The following SLC41A2 variants were observed in gnomAD, a reference collection of about 807,000 sequenced individuals.
SLC41A2 encodes SLC41A1-like 1.
In SLC41A2, 32 loss-of-function variants were observed where a neutral mutation model predicts 58.3. That is an observed-to-expected ratio of 0.55 (90% CI 0.41 to 0.74). The LOEUF is 0.74. Ranked by LOEUF, SLC41A2 falls within the 30% of genes least tolerant of loss-of-function variation. The probability of loss-of-function intolerance (pLI) is 0.00; values close to 1 mark genes in which losing one functional copy is unlikely to be tolerated. For missense variants in SLC41A2, 514 were observed against 680.6 expected (o/e 0.76, Z 2.72); for synonymous variants, 190 against 235.0 (o/e 0.81, Z 1.75).
At chr12:104,890,691 G>T (rs2044915339) in intron 4 of SLC41A2, among the ~76,000 whole-genome samples, 1 of 152,186 alleles carries the variant, frequency 6.6e-6, no homozygotes, top group Admixed American at 6.5e-5. Context: ...GTTAACAGGG[G>T]CCATAGGCCT....
intron 10 of SLC41A2, among the ~76,000 whole-genome samples, chr12:104,831,644 T>C (rs1250509866): frequency 6.6e-6 from 1 of 152,192 alleles, no homozygotes; most frequent in Non-Finnish European, 1.5e-5. Flanking sequence ...TCAAATTGTT[T>C]ATGGGTGTAT....
intron 10 of SLC41A2, among the ~76,000 whole-genome samples, chr12:104,840,513 A>C (rs1251229507): frequency 6.6e-6 from 1 of 152,236 alleles, no homozygotes; most frequent in East Asian, 1.9e-4. Flanking sequence ...ACTCATCCTT[A>C]CTGTTGAAGA....
intron 1 of SLC41A2, among the ~76,000 whole-genome samples, chr12:104,942,618 C>T (rs1382708894): frequency 6.6e-6 from 1 of 152,128 alleles, no homozygotes; most frequent in Non-Finnish European, 1.5e-5. Flanking sequence ...GAAGGTCTTG[C>T]TACTTAAAAA....
intron 10 of SLC41A2, among the ~76,000 whole-genome samples, chr12:104,818,877 AAAAT>A (rs3039338): frequency 6.0e-5 from 9 of 149,268 alleles, no homozygotes; most frequent in Middle Eastern, 3.4e-3. Context: ...ACTCCATCTC[AAAAT>A]AAATAAATAA....
chr12:104,944,895 T>A (rs992861847), intron 1 of SLC41A2, among the ~76,000 whole-genome samples: 5 of 149,062 alleles, frequency 3.4e-5, no homozygotes, highest in African/African-American at 1.2e-4. Context: ...AGGTCAGGCA[T>A]CACAGTGGCT....
At chr12:104,835,245 C>A (rs968719760) in intron 10 of SLC41A2, among the ~76,000 whole-genome samples, 4 of 152,164 alleles carry the variant, frequency 2.6e-5, no homozygotes, top group Admixed American at 2.0e-4. Context: ...AGCCAGAGCC[C>A]AAGCCCTATA....
chr12:104,921,659 G>A (rs2046603025), intron 2 of SLC41A2, among the ~76,000 whole-genome samples: 1 of 152,100 alleles, frequency 6.6e-6, no homozygotes, highest in Non-Finnish European at 1.5e-5. Context: ...TGTGCAAAAA[G>A]AAAACAGTTG....
intron 6 of SLC41A2, among the ~76,000 whole-genome samples, chr12:104,878,510 T>G (rs1478408930): frequency 1.3e-5 from 2 of 151,026 alleles, no homozygotes; most frequent in Non-Finnish European, 2.9e-5. Context: ...CTCCACCCTG[T>G]CTCCAGGTAT....
chr12:104,946,318 G>C (rs1186168186), intron 1 of SLC41A2, among the ~76,000 whole-genome samples: 1 of 152,112 alleles, frequency 6.6e-6, no homozygotes, highest in East Asian at 1.9e-4. Context: ...AGGAGGAACA[G>C]GATGGAGTGC....
rs2040770483 is a variant in SLC41A2, at chr12:104,803,537, T to A, written c.*1615A>T. The A allele has an allele frequency of 6.6e-6, 1 of 152,192 alleles. No homozygotes were observed. Among genetic ancestry groups the A allele is most frequent in the Non-Finnish European group, 1.5e-5 (1 of 68,022 alleles). 9.4% of individuals were successfully genotyped at this position (152,192 alleles called of 1,614,324 possible). A position where few individuals can be genotyped will look rare whatever the true frequency, so the allele number is the denominator to read the frequency against. ...ATTTATAAACAACCTAATATTTATA[T>A]AATAACACAAAGTTACAACTTAAAT... On this transcript the variant is annotated 3_prime_UTR_variant, in exon 11 of 11. Transcript: ENST00000258538.
intron 2 of SLC41A2, among the ~76,000 whole-genome samples, chr12:104,923,486 G>C (rs2468336): frequency 0.45 from 68,401 of 150,970 alleles, 16,021 homozygotes; most frequent in Middle Eastern, 0.54. Flanking sequence ...ATAAAGATCA[G>C]AGCAGAAATA....
intron 8 of SLC41A2, among the ~76,000 whole-genome samples, chr12:104,848,999 A>T (rs750838336): frequency 6.6e-6 from 1 of 151,700 alleles, no homozygotes; most frequent in African/African-American, 2.4e-5. Context: ...TAGTGCTAAG[A>T]TAATTATTAA....
At chr12:104,809,561 T>G (rs1311793478) in intron 10 of SLC41A2, among the ~76,000 whole-genome samples, 2 of 152,228 alleles carry the variant, frequency 1.3e-5, no homozygotes, top group Non-Finnish European at 2.9e-5. Context: ...TGGAATCATA[T>G]AAAGTTTTGC....
chr12:104,877,434 T>C (rs562855375), intron 6 of SLC41A2, among the ~76,000 whole-genome samples: 10 of 151,754 alleles, frequency 6.6e-5, no homozygotes, highest in African/African-American at 2.4e-4. Context: ...AGAAAAAATG[T>C]AAAAGACTAT....
At chr12:104,925,483 G>A (rs954886890) in intron 2 of SLC41A2, among the ~76,000 whole-genome samples, 2 of 152,114 alleles carry the variant, frequency 1.3e-5, no homozygotes, top group African/African-American at 4.8e-5. Flanking sequence ...GTATGAACCC[G>A]GGAGGCGGAG....
chr12:104,907,206 C>CT (rs10714684), intron 3 of SLC41A2, among the ~76,000 whole-genome samples: 25 of 126,790 alleles, frequency 2.0e-4, no homozygotes, highest in Non-Finnish European at 2.5e-4. Context: ...ATGTCCCCAT[C>CT]TTTTTTTTTT....
intron 6 of SLC41A2, among the ~76,000 whole-genome samples, chr12:104,879,655 A>G (rs867064954): frequency 2.0e-5 from 3 of 152,208 alleles, no homozygotes; most frequent in Admixed American, 6.5e-5. Context: ...ATTGGGTTAT[A>G]TCTCTGTTTT....
intron 7 of SLC41A2, among the ~76,000 whole-genome samples, chr12:104,862,100 C>T (rs2043235787): frequency 6.6e-6 from 1 of 152,140 alleles, no homozygotes; most frequent in African/African-American, 2.4e-5. Context: ...CCTAATATTC[C>T]ATGGGATCCT....
chr12:104,916,129 C>T (rs2046308410), intron 2 of SLC41A2, among the ~76,000 whole-genome samples: 1 of 152,108 alleles, frequency 6.6e-6, no homozygotes, highest in African/African-American at 2.4e-5. Flanking sequence ...CCCACTTGAT[C>T]ATGGTGGATA....
Sources: allele counts gnomAD v4.1 joint callset (sites outside exome capture counted in the v4.1 genomes callset), GRCh38; gene constraint gnomAD v4.1.1; transcripts MANE v1.5; gene names NCBI Gene and HGNC (gene_info 2026-07-23, HGNC 2026-07-21).